GNA14: variants seen among roughly 807,000 people sequenced by gnomAD.
GNA14 encodes G protein subunit alpha 14.
In GNA14, 50 loss-of-function variants were observed where a neutral mutation model predicts 42.0. The ratio of observed to expected loss-of-function variants is 1.19; its 90% confidence interval spans 0.95 to 1.51. The LOEUF (loss-of-function observed/expected upper bound fraction) is 1.51. Among genes scored for constraint, GNA14 ranks in the 40% most tolerant of loss-of-function variants. The probability of loss-of-function intolerance (pLI) is 0.00; values close to 1 mark genes in which losing one functional copy is unlikely to be tolerated. For missense variants in GNA14, 473 were observed against 446.2 expected (o/e 1.06, Z -0.54); for synonymous variants, 173 against 163.1 (o/e 1.06, Z -0.46).
At chr9:77,473,414 C>A (rs918422357) in intron 2 of GNA14, among the ~76,000 whole-genome samples, 2 of 152,058 alleles carry the variant, frequency 1.3e-5, no homozygotes, top group Admixed American at 1.3e-4. Context: ...CAAGATCATG[C>A]CACTGCACTC....
chr9:77,588,611 CAG>C (rs1462295201), intron 1 of GNA14, among the ~76,000 whole-genome samples: 2 of 152,072 alleles, frequency 1.3e-5, no homozygotes, highest in Non-Finnish European at 1.5e-5. Context: ...TAAGACTGAA[CAG>C]AGAGGAGCAA....
chr9:77,528,175 C>G (rs1311638366), intron 2 of GNA14, among the ~76,000 whole-genome samples: 1 of 152,026 alleles, frequency 6.6e-6, no homozygotes, highest in Non-Finnish European at 1.5e-5. Context: ...GCCACAAGTT[C>G]ATAATAAAGT....
intron 1 of GNA14, among the ~76,000 whole-genome samples, chr9:77,628,979 A>C (rs1368838987): frequency 6.6e-6 from 1 of 152,182 alleles, no homozygotes; most frequent in Non-Finnish European, 1.5e-5. Context: ...AAATTTTTGC[A>C]ATCTATCCAT....
At chr9:77,630,189 C>T (rs1455036113) in intron 1 of GNA14, among the ~76,000 whole-genome samples, 1 of 151,282 alleles carries the variant, frequency 6.6e-6, no homozygotes, top group East Asian at 1.9e-4. Flanking sequence ...TATGTCGAGG[C>T]TCATTGCAGC....
intron 1 of GNA14, among the ~76,000 whole-genome samples, chr9:77,559,426 T>A (rs1416154383): frequency 6.6e-6 from 1 of 152,150 alleles, no homozygotes; most frequent in Non-Finnish European, 1.5e-5. Flanking sequence ...GCATCCCTTC[T>A]GGGCCAGAGG....
intron 1 of GNA14, among the ~76,000 whole-genome samples, chr9:77,587,763 A>AAAT (rs1823328287): frequency 6.6e-6 from 1 of 152,220 alleles, no homozygotes; most frequent in African/African-American, 2.4e-5. Context: ...GTTTGCTTTA[A>AAAT]AATGGTTGCT....
chr9:77,517,438 AATAGGT>A (rs1837274928), intron 2 of GNA14: 1 of 152,120 alleles, frequency 6.6e-6, no homozygotes, highest in East Asian at 1.9e-4. Context: ...TTGTTTCAAA[AATAGGT>A]ATAAAGTGCC....
At chr9:77,588,488 G>A (rs1386585085) in intron 1 of GNA14, among the ~76,000 whole-genome samples, 1 of 152,224 alleles carries the variant, frequency 6.6e-6, no homozygotes, top group Non-Finnish European at 1.5e-5. Context: ...TTCCCCAGGA[G>A]CAAGGAAGCC....
rs540422398 is a variant in GNA14, at chr9:77,429,917, T to TAC, written c.594-883_594-882dup. Among the ~76,000 whole-genome samples, 276 of 150,952 alleles carry TAC rather than the reference T, an allele frequency of 1.8e-3. 1 individual carries two copies. The highest frequency in any genetic ancestry group is 6.3e-3 in the African/African-American group (261 of 41,148). On this transcript the variant is annotated intron_variant, in intron 4 of 6. Transcript: ENST00000341700. ...CTGCCAAGTAACCCCCACCCACCCC[T>TAC]ACATCACCACCCCACCACACACACA...
At chr9:77,481,251 T>G (rs1460285164) in intron 2 of GNA14, among the ~76,000 whole-genome samples, 2 of 152,244 alleles carry the variant, frequency 1.3e-5, no homozygotes, top group African/African-American at 4.8e-5. Flanking sequence ...GTGTTGTGTC[T>G]TTGTTCTCAT....
intron 2 of GNA14, among the ~76,000 whole-genome samples, chr9:77,480,187 T>C (rs549200007): frequency 6.6e-6 from 1 of 152,296 alleles, no homozygotes; most frequent in African/African-American, 2.4e-5. Context: ...GGCTGTGGGT[T>C]TGTCATAGAT....
chr9:77,529,304 A>G, intron 1 of GNA14, 51 bp from the exon 2 acceptor site: 2 of 1,379,856 alleles, frequency 1.4e-6, no homozygotes, highest in Non-Finnish European at 2.1e-6. Flanking sequence ...CCAAAGGAAC[A>G]CACGAAGAAA....
intron 1 of GNA14, among the ~76,000 whole-genome samples, chr9:77,610,485 C>T (rs941950198): frequency 1.3e-5 from 2 of 152,202 alleles, no homozygotes; most frequent in African/African-American, 4.8e-5. Flanking sequence ...TATAAGAGCA[C>T]TAATTCCATT....
At chr9:77,498,867 G>A (rs1836919466) in intron 2 of GNA14, among the ~76,000 whole-genome samples, 1 of 152,120 alleles carries the variant, frequency 6.6e-6, no homozygotes, top group African/African-American at 2.4e-5. Context: ...CCAGGCAGTG[G>A]GTGTCTGCCT....
intron 2 of GNA14, among the ~76,000 whole-genome samples, chr9:77,457,408 G>A (rs1380783817): frequency 6.6e-6 from 1 of 152,202 alleles, no homozygotes; most frequent in African/African-American, 2.4e-5. Context: ...GAGAACTTAA[G>A]TTGCTTCCTG....
At chr9:77,542,853 G>A (rs1251180529) in intron 1 of GNA14, among the ~76,000 whole-genome samples, 6 of 152,320 alleles carry the variant, frequency 3.9e-5, no homozygotes, top group Non-Finnish European at 8.8e-5. Flanking sequence ...TGAAGTAATG[G>A]GGGAAGGGAA....
intron 1 of GNA14, among the ~76,000 whole-genome samples, chr9:77,537,119 A>G (rs1837607751): frequency 2.6e-5 from 4 of 152,108 alleles, no homozygotes; most frequent in Admixed American, 2.6e-4. Context: ...TGAGTATACA[A>G]TACACTGTTG....
At chr9:77,628,326 A>G (rs1279180943) in intron 1 of GNA14, among the ~76,000 whole-genome samples, 1 of 152,366 alleles carries the variant, frequency 6.6e-6, no homozygotes, top group East Asian at 1.9e-4. Flanking sequence ...AGTAATTTAT[A>G]GATTCAATGC....
intron 2 of GNA14, among the ~76,000 whole-genome samples, chr9:77,516,735 G>A (rs1837264841): frequency 6.6e-6 from 1 of 151,468 alleles, no homozygotes; most frequent in African/African-American, 2.4e-5. Flanking sequence ...GGGGTGGGGG[G>A]CGGTAGGGGG....
Sources: allele counts gnomAD v4.1 joint callset (sites outside exome capture counted in the v4.1 genomes callset), GRCh38; gene constraint gnomAD v4.1.1; transcripts MANE v1.5; gene names NCBI Gene and HGNC (gene_info 2026-07-23, HGNC 2026-07-21).